Variants in PRKN observed in about 807,000 individuals in gnomAD.
The protein encoded by PRKN is E3 ubiquitin-protein ligase parkin.
Under a neutral mutation model 59.5 loss-of-function variants are expected in PRKN, and 56 were observed. The observed-to-expected ratio is 0.94, with a 90% CI of 0.76 to 1.18. The LOEUF is 1.18. Ranked by LOEUF, PRKN falls within the 50% of genes most tolerant of loss-of-function variation. The probability of loss-of-function intolerance (pLI) is 0.00; values close to 1 mark genes in which losing one functional copy is unlikely to be tolerated. For missense variants in PRKN, 657 were observed against 596.4 expected (o/e 1.10, Z -1.06); for synonymous variants, 250 against 222.1 (o/e 1.13, Z -1.12).
intron 6 of PRKN, among the ~76,000 whole-genome samples, chr6:161,788,291 G>A (rs544095310): frequency 7.9e-5 from 12 of 152,232 alleles, no homozygotes; most frequent in East Asian, 1.9e-4. Context: ...CTACGTTGGC[G>A]GCCATGGTGT....
intron 2 of PRKN, among the ~76,000 whole-genome samples, chr6:162,284,318 G>A (rs186693283): frequency 7.1e-4 from 101 of 142,910 alleles, no homozygotes; most frequent in Admixed American, 1.7e-3. Flanking sequence ...TCCACCTCTC[G>A]GGTTCAAGTG....
At chr6:162,574,536 G>C (rs79396175) in intron 1 of PRKN, among the ~76,000 whole-genome samples, 1 of 151,824 alleles carries the variant, frequency 6.6e-6, no homozygotes, top group Admixed American at 6.6e-5. Context: ...TGAATATTTC[G>C]TCACTAGAAG....
chr6:162,489,141 A>C (rs2128184452), intron 1 of PRKN, among the ~76,000 whole-genome samples: 1 of 152,184 alleles, frequency 6.6e-6, no homozygotes, highest in African/African-American at 2.4e-5. Flanking sequence ...TACTCTAAAT[A>C]AGGCAGTGTC....
intron 6 of PRKN, among the ~76,000 whole-genome samples, chr6:161,866,400 C>T (rs542422145): frequency 9.2e-5 from 14 of 152,112 alleles, no homozygotes; most frequent in East Asian, 3.9e-4. Flanking sequence ...ACAGTGAAAC[C>T]CTGTCTCTAC....
Position 161,425,636 on chromosome 6 carries a change from C to A in PRKN, c.1084-38759G>T, listed in dbSNP as rs114167269. Reference sequence around the variant, plus strand: ...CCCCCTTGGCTACTCCCCAGTCAGACATGATAAAGGTGCCTCATCACCCAC... The same window carrying A: ...CCCCCTTGGCTACTCCCCAGTCAGAAATGATAAAGGTGCCTCATCACCCAC... On this transcript the variant is annotated intron_variant, in intron 9 of 11. Coordinates refer to ENST00000366898, the MANE Select transcript of PRKN (RefSeq NM_004562.3). Among the ~76,000 whole-genome samples the A allele has an allele frequency of 6.5e-3, 984 of 152,230 alleles. 12 individuals carry two copies. Among genetic ancestry groups the A allele is most frequent in the African/African-American group, 0.023 (948 of 41,516 alleles).
intron 6 of PRKN, among the ~76,000 whole-genome samples, chr6:161,932,595 G>A (rs1431214249): frequency 6.6e-6 from 1 of 152,008 alleles, no homozygotes; most frequent in Non-Finnish European, 1.5e-5. Context: ...TTATGTTAAT[G>A]ACCATTTTCA....
chr6:161,464,211 T>C (rs138019482), intron 9 of PRKN, among the ~76,000 whole-genome samples: 2 of 152,234 alleles, frequency 1.3e-5, no homozygotes, highest in East Asian at 3.9e-4. Context: ...ACAGGGTTTC[T>C]CCATGTTGGT....
chr6:162,357,759 T>C (rs1431286614), intron 2 of PRKN, among the ~76,000 whole-genome samples: 1 of 152,180 alleles, frequency 6.6e-6, no homozygotes, highest in Non-Finnish European at 1.5e-5. Context: ...GAGTCACCAA[T>C]AGATATGAAG....
Position 161,530,293 on chromosome 6 carries a change from A to G in PRKN, c.1083+18561T>C, listed in dbSNP as rs1360136435. 1.3e-5 allele frequency among the ~76,000 whole-genome samples: 2 copies of G among 152,204 alleles called. No homozygotes were observed. Among genetic ancestry groups the G allele is most frequent in the Non-Finnish European group, 2.9e-5 (2 of 68,036 alleles). On this transcript the variant is annotated intron_variant, in intron 9 of 11. Coordinates refer to ENST00000366898, the MANE Select transcript of PRKN (RefSeq NM_004562.3). The surrounding 1 kb of genome is among the most constrained non-coding windows in gnomAD (Gnocchi z 5.0). ...AGATTCACGTGTTTGGTTCAATATAAAAGTATCATTCCCCACCCAGACCTG... is the reference window on the plus strand; with the variant it reads ...AGATTCACGTGTTTGGTTCAATATAGAAGTATCATTCCCCACCCAGACCTG...
At chr6:161,701,850 T>C (rs544963977) in intron 7 of PRKN, among the ~76,000 whole-genome samples, 76 of 152,312 alleles carry the variant, frequency 5.0e-4, no homozygotes, top group Non-Finnish European at 7.8e-4. Flanking sequence ...TATTTATAAA[T>C]AGCATGTATC....
intron 9 of PRKN, among the ~76,000 whole-genome samples, chr6:161,522,507 A>G (rs1257865400): frequency 6.6e-6 from 1 of 152,230 alleles, no homozygotes. Context: ...ATTAATAGAT[A>G]TGGATCCCAG....
chr6:162,295,646 G>C (rs1382657168), intron 2 of PRKN, among the ~76,000 whole-genome samples: 3 of 152,146 alleles, frequency 2.0e-5, no homozygotes, highest in African/African-American at 7.2e-5. Flanking sequence ...AGGAGTTGTG[G>C]GAACCTCACT....
At chr6:161,682,989 T>C (rs1338270318) in intron 7 of PRKN, among the ~76,000 whole-genome samples, 1 of 152,186 alleles carries the variant, frequency 6.6e-6, no homozygotes, top group African/African-American at 2.4e-5. Flanking sequence ...GTTTTCTGCC[T>C]GGCGGTGGTG....
Position 161,582,668 on chromosome 6 carries a change from C to G in PRKN, c.872-13252G>C, listed in dbSNP as rs542200307. ...GGTCTCGATCTGCTGACCTCGTGAT[C>G]TGCCCGCCTCGGCCTCCCAAAGTTC... On this transcript the variant is annotated intron_variant, in intron 7 of 11. Transcript: ENST00000366898. The surrounding 1 kb of genome is among the most constrained non-coding windows in gnomAD (Gnocchi z 4.4). 6.6e-6 allele frequency among the ~76,000 whole-genome samples: 1 copy of G among 152,170 alleles called. No individual in the cohort carries two copies. Among genetic ancestry groups the G allele is most frequent in the East Asian group, 1.9e-4 (1 of 5,166 alleles).
chr6:161,654,728 G>A (rs560339269), intron 7 of PRKN, among the ~76,000 whole-genome samples: 4 of 152,362 alleles, frequency 2.6e-5, no homozygotes, highest in Non-Finnish European at 5.9e-5. Context: ...GGGACACAGT[G>A]AGCATGGTGG....
chr6:162,512,277 A>T (rs1562345467), intron 1 of PRKN, among the ~76,000 whole-genome samples: 1 of 152,178 alleles, frequency 6.6e-6, no homozygotes, highest in Non-Finnish European at 1.5e-5. Context: ...GAGGGGTGGA[A>T]ATCAAGCATT....
intron 7 of PRKN, among the ~76,000 whole-genome samples, chr6:161,623,124 T>C (rs896791019): frequency 1.1e-4 from 16 of 152,230 alleles, no homozygotes; most frequent in African/African-American, 2.7e-4. Context: ...AATACAATCA[T>C]GTACAAAGCC....
chr6:162,648,953 A>G (rs573826079), intron 1 of PRKN, among the ~76,000 whole-genome samples: 2 of 152,298 alleles, frequency 1.3e-5, no homozygotes, highest in South Asian at 2.1e-4. Flanking sequence ...GTTGAAGGTC[A>G]TATGAGCAAA....
intron 4 of PRKN, among the ~76,000 whole-genome samples, chr6:162,140,190 A>T (rs936264806): frequency 6.6e-6 from 1 of 152,194 alleles, no homozygotes; most frequent in African/African-American, 2.4e-5. Context: ...TCGCACTCTA[A>T]AATCCAACTT....
Sources: gnomAD v4.1 joint callset for allele counts (sites outside exome capture counted in the v4.1 genomes callset) on GRCh38, gnomAD v4.1.1 for gene constraint, Gnocchi (gnomAD v3.1) non-coding constraint, MANE v1.5 for transcripts, NCBI Gene and HGNC (gene_info 2026-07-23, HGNC 2026-07-21) for gene names.